Variants in WT1 observed in about 807,000 individuals in gnomAD.
WT1 encodes the protein Wilms tumor protein.
Under a neutral mutation model 60.8 loss-of-function variants are expected in WT1, and 8 were observed. The observed-to-expected ratio is 0.13, with a 90% CI of 0.08 to 0.24. The LOEUF (loss-of-function observed/expected upper bound fraction) is 0.24. WT1 is among the 10% of genes least tolerant of loss of function. The probability of loss-of-function intolerance (pLI) is 1.00; values close to 1 mark genes in which losing one functional copy is unlikely to be tolerated. For synonymous variants in WT1, 312 were observed against 297.1 expected (o/e 1.05, Z -0.52); for missense variants, 568 against 711.8 (o/e 0.80, Z 2.30).
At chr11:32,434,114 T>C (rs1853401071) in intron 1 of WT1, among the ~76,000 whole-genome samples, 1 of 152,214 alleles carries the variant, frequency 6.6e-6, no homozygotes, top group Admixed American at 6.5e-5. Flanking sequence ...CAGAAAGCCA[T>C]TTAGTTACTG....
chr11:32,415,117 T>C (rs985928837), intron 5 of WT1, among the ~76,000 whole-genome samples: 4 of 152,158 alleles, frequency 2.6e-5, no homozygotes, highest in Admixed American at 6.5e-5. Flanking sequence ...CAGCTGCAAA[T>C]ACATGCCAAA....
chr11:32,435,095 G>A lies in WT1; in HGVS notation c.266C>T (p.Pro89Leu), dbSNP rs1853465019. 2.0e-6 allele frequency: 3 copies of A among 1,504,254 alleles called. No individual in the cohort carries two copies. The highest frequency in any genetic ancestry group is 2.6e-6 in the Non-Finnish European group (3 of 1,134,744). The allele number at this position is 1,504,254 out of a possible 1,614,324, so 93.2% of individuals were successfully genotyped here. The change falls in exon 1 of 10, where the codon CCC becomes CTC. Residue 89 changes from proline to leucine, a missense_variant. Physicochemically the swap from Pro to Leu is moderately conservative, Grantham distance 98 (BLOSUM62 -3). Around this residue, in one of 3 missense-constraint regions of WT1, gnomAD observed 523 missense variants for 565.1 expected, o/e 0.93. Coordinates refer to ENST00000452863, the MANE Select transcript of WT1 (RefSeq NM_024426.6). Reference sequence around the variant, plus strand: ...ACAGCCGCCGCCGCCACCCAGGGAGGGGACGGCGGGCAGCAGCGCGTTCAG... The same window carrying A: ...ACAGCCGCCGCCGCCACCCAGGGAGAGGACGGCGGGCAGCAGCGCGTTCAG...
At position 32,388,444 on chromosome 11, in the gene WT1, T is replaced by G. The variant is rs886048219; in HGVS notation, c.*614A>C. 3.8e-5 allele frequency: 9 copies of G among 236,972 alleles called. No individual in the cohort carries two copies. Among genetic ancestry groups the G allele is most frequent in the Non-Finnish European group, 5.8e-5 (7 of 120,090 alleles). 14.7% of individuals were successfully genotyped at this position (236,972 alleles called of 1,614,324 possible). On this transcript the variant is annotated 3_prime_UTR_variant, in exon 10 of 10. Transcript: ENST00000452863. ...TTAGATTTCTATACAGAGGTACTGGTTAGTTCTGATTTTTTCTTCAGCTGC... is the reference window on the plus strand; with the variant it reads ...TTAGATTTCTATACAGAGGTACTGGGTAGTTCTGATTTTTTCTTCAGCTGC...
In WT1 at chr11:32,434,640, G is replaced by C. The variant is rs1853426914; in HGVS notation, c.661+60C>G. ...AGGGGTAGGAGAGGGGGGTGTCCTA[G>C]AGCGGAGAGTCCCTGGCGCCACTGC... On this transcript the variant is annotated intron_variant, in intron 1 of 9. Transcript: ENST00000452863. The C allele has an allele frequency of 1.1e-5, 17 of 1,610,416 alleles. 1 individual carries two copies. In the South Asian group the frequency reaches 1.7e-4, roughly 16 times the overall value.
chr11:32,410,366 G>A (rs1176791755), intron 5 of WT1, among the ~76,000 whole-genome samples: 3 of 152,120 alleles, frequency 2.0e-5, no homozygotes, highest in Non-Finnish European at 2.9e-5. Context: ...TCCCCAGCCA[G>A]CTAGAACCCC....
chr11:32,408,962 T>C (rs1016444216), intron 5 of WT1, among the ~76,000 whole-genome samples: 1 of 152,214 alleles, frequency 6.6e-6, no homozygotes, highest in Non-Finnish European at 1.5e-5. Flanking sequence ...GAGTATTCCC[T>C]AGGAATTCTC....
intron 3 of WT1, among the ~76,000 whole-genome samples, chr11:32,427,540 A>C (rs1853095686): frequency 6.6e-6 from 1 of 152,172 alleles, no homozygotes; most frequent in African/African-American, 2.4e-5. Context: ...GGCTGTGGCC[A>C]AGGCTGTGGC....
At chr11:32,434,656 G>A in intron 1 of WT1, 44 bp downstream of exon 1, 1 of 1,611,810 alleles carries the variant, frequency 6.2e-7, no homozygotes, top group African/African-American at 1.3e-5. Flanking sequence ...AGAGTCCCTG[G>A]CGCCACTGCC....
At chr11:32,396,574 G>A (rs1851982926) in intron 6 of WT1, among the ~76,000 whole-genome samples, 167 bp from the exon 7 acceptor site, 1 of 152,190 alleles carries the variant, frequency 6.6e-6, no homozygotes, top group South Asian at 2.1e-4. Context: ...CATCAGTAAT[G>A]GATGCTAGAT....
rs2133105820 is a variant in WT1, at chr11:32,435,121, G to C, written c.240C>G (p.Asp80Glu). 5.9e-6 allele frequency: 9 copies of C among 1,515,450 alleles called. No individual in the cohort carries two copies. The highest frequency in any genetic ancestry group is 7.0e-6 in the Non-Finnish European group (8 of 1,139,510). The allele number at this position is 1,515,450 out of a possible 1,614,324, so 93.9% of individuals were successfully genotyped here. Residue 80 changes from aspartate to glutamate, a missense_variant, in exon 1 of 10, where the codon GAC becomes GAG. This residue lies in a region of WT1 where 523 missense variants were observed against 565.1 expected (regional missense o/e 0.93). Coordinates refer to ENST00000452863, the MANE Select transcript of WT1 (RefSeq NM_024426.6). ...GGACGGCGGGCAGCAGCGCGTTCAGGTCCCGCACGTCGGAGCCCATTTGCT... is the reference window on the plus strand; with the variant it reads ...GGACGGCGGGCAGCAGCGCGTTCAGCTCCCGCACGTCGGAGCCCATTTGCT...
chr11:32,406,528 C>T (rs553294993), intron 5 of WT1, among the ~76,000 whole-genome samples: 1 of 152,006 alleles, frequency 6.6e-6, no homozygotes, highest in African/African-American at 2.4e-5. Flanking sequence ...GTCCATGGCC[C>T]GGGGGTTGGG....
In WT1 at chr11:32,428,513, G is replaced by A. The variant is rs1397816413; in HGVS notation, c.768C>T (p.Gly256=). The change falls in exon 2 of 10, where the codon GGC becomes GGT. Residue 256 remains glycine, a synonymous_variant. Transcript: ENST00000452863. ...CTCGCTTACCCAGCGAGCCCTGCTG[G>A]CCCATGGGATCCTCATGCTTGAATG... The A allele has an allele frequency of 6.2e-7, 1 of 1,614,128 alleles. No homozygotes were observed. Among genetic ancestry groups the A allele is most frequent in the Non-Finnish European group, 8.5e-7 (1 of 1,180,040 alleles).
intron 5 of WT1, among the ~76,000 whole-genome samples, chr11:32,402,916 G>A (rs769508676): frequency 6.6e-6 from 1 of 152,144 alleles, no homozygotes; most frequent in Non-Finnish European, 1.5e-5. Context: ...TGCCATCGAA[G>A]GGTAAAAATT....
At position 32,392,697 on chromosome 11, in the gene WT1, G is replaced by A. The variant is rs2132920169; in HGVS notation, c.1323C>T (p.Asp441=). ...GTCTCCTTTGGTGTCTTTTGAGCTG[G>A]TCTGAACGAGAAAACCTTCGTTCAC... Residue 441 remains aspartate (D), a synonymous_variant, in exon 8 of 10, where the codon GAC becomes GAT. Transcript: ENST00000452863. The A allele has an allele frequency of 6.2e-7, 1 of 1,614,048 alleles. No individual in the cohort carries two copies. The highest frequency in any genetic ancestry group is 8.5e-7 in the Non-Finnish European group (1 of 1,179,964).
intron 3 of WT1, among the ~76,000 whole-genome samples, chr11:32,425,390 A>G (rs976454207): frequency 6.6e-6 from 1 of 152,212 alleles, no homozygotes; most frequent in East Asian, 1.9e-4. Flanking sequence ...TCCAAAAGTT[A>G]GGGTGTTAAG....
chr11:32,399,728 G>T (rs1852088985), intron 6 of WT1, among the ~76,000 whole-genome samples: 1 of 152,250 alleles, frequency 6.6e-6, no homozygotes, highest in Admixed American at 6.5e-5. Flanking sequence ...CTGTTAGGAC[G>T]CATCTTGCGC....
chr11:32,429,915 C>T (rs1251514379), intron 1 of WT1, among the ~76,000 whole-genome samples: 7 of 149,538 alleles, frequency 4.7e-5, no homozygotes, highest in Non-Finnish European at 7.4e-5. Context: ...CCCAGGGCAT[C>T]GTTACCTCCA....
chr11:32,399,950 G>T lies in WT1; in HGVS notation c.1111C>A (p.Gln371Lys), dbSNP rs747502066. 2.5e-6 allele frequency: 4 copies of T among 1,614,078 alleles called. No homozygotes were observed. Reference sequence around the variant, plus strand: ...CTGGGGCCTGTCTGTGTGCTCACCTGAATGCCTCTGAAGACACCGTGCGTG... The same window carrying T: ...CTGGGGCCTGTCTGTGTGCTCACCTTAATGCCTCTGAAGACACCGTGCGTG... The change falls in exon 6 of 10, where the codon CAG becomes AAG. Residue 371 changes from glutamine (Q) to lysine (K), a missense_variant and splice_region_variant. By Grantham distance (53) the Gln-to-Lys change is moderately conservative. Coordinates refer to ENST00000452863, the MANE Select transcript of WT1 (RefSeq NM_024426.6).
chr11:32,402,461 G>A (rs936747301), intron 5 of WT1, among the ~76,000 whole-genome samples: 3 of 152,212 alleles, frequency 2.0e-5, no homozygotes, highest in African/African-American at 7.2e-5. Context: ...CCATGGTGCT[G>A]CCAGAACATT....
Sources: allele counts gnomAD v4.1 joint callset (sites outside exome capture counted in the v4.1 genomes callset), GRCh38; gene constraint gnomAD v4.1.1; regional missense constraint gnomAD v4.1.1; transcripts MANE v1.5; gene names NCBI Gene and HGNC (gene_info 2026-07-23, HGNC 2026-07-21).